MTMR7: variants seen among roughly 807,000 people sequenced by gnomAD.
MTMR7 encodes myotubularin related protein 7, also known as phosphatidylinositol-3-phosphate phosphatase MTMR7.
A neutral mutation model predicts 81.2 loss-of-function variants in MTMR7; 76 were observed. The ratio of observed to expected loss-of-function variants is 0.94; its 90% CI spans 0.78 to 1.13. The LOEUF (loss-of-function observed/expected upper bound fraction) is 1.13, where lower values mean the gene tolerates loss of function less well. MTMR7 is among the 50% of genes most tolerant of loss of function. MTMR7 has a pLI of 0.00. For missense variants in MTMR7, 1,044 were observed against 820.0 expected, an observed-to-expected ratio of 1.27 and a Z score of -3.34; for synonymous variants, 372 against 289.8, an observed-to-expected ratio of 1.28 and a Z score of -2.88.
rs368515958 is a variant in MTMR7, at chr8:17,360,076, A to T, written c.468+1041T>A. On this transcript the variant is annotated intron_variant, in intron 4 of 13. Coordinates refer to ENST00000180173, the MANE Select transcript of MTMR7 (RefSeq NM_004686.5). ...TTAGAGAGCAGGTAGATATTATTTGATACAGCCATACTTAGGTAATACTAT... is the reference window on the plus strand; with the variant it reads ...TTAGAGAGCAGGTAGATATTATTTGTTACAGCCATACTTAGGTAATACTAT... Among the ~76,000 whole-genome samples, 26 of 152,340 alleles carry T rather than the reference A, an allele frequency of 1.7e-4. No individual in the cohort carries two copies. The East Asian group carries it at 4.8e-3, about 28-fold the overall frequency.
chr8:17,411,190 A>G (rs1280340986), intron 1 of MTMR7, among the ~76,000 whole-genome samples: 1 of 152,138 alleles, frequency 6.6e-6, no homozygotes, highest in African/African-American at 2.4e-5. Flanking sequence ...GACCATTGTT[A>G]TTGTTTTCAG....
intron 7 of MTMR7, among the ~76,000 whole-genome samples, chr8:17,325,422 G>T (rs942314829): frequency 3.9e-5 from 6 of 152,190 alleles, no homozygotes; most frequent in Non-Finnish European, 7.3e-5. Context: ...ACCTGACTTT[G>T]CCACAAAACA....
At chr8:17,302,348 T>C in intron 12 of MTMR7, 68 bp from the exon 13 acceptor site, 1 of 1,519,352 alleles carries the variant, frequency 6.6e-7, no homozygotes, top group Non-Finnish European at 8.9e-7. Context: ...CCTCAAGTCT[T>C]CTAAGGTATC....
At chr8:17,387,189 G>C (rs531495724) in intron 1 of MTMR7, among the ~76,000 whole-genome samples, 1 of 152,116 alleles carries the variant, frequency 6.6e-6, no homozygotes, top group Non-Finnish European at 1.5e-5. Flanking sequence ...AGATATCCCA[G>C]GTATTCCGAT....
intron 7 of MTMR7, among the ~76,000 whole-genome samples, chr8:17,317,472 CCT>C (rs1471105101): frequency 3.3e-5 from 5 of 152,232 alleles, no homozygotes; most frequent in South Asian, 4.2e-4. Context: ...TCACTTAACC[CCT>C]GTTTTTGGCC....
chr8:17,315,308 T>TA lies in MTMR7; in HGVS notation c.866-1908dup, dbSNP rs1182852780. On this transcript the variant is annotated intron_variant, in intron 7 of 13. Coordinates refer to ENST00000180173, the MANE Select transcript of MTMR7 (RefSeq NM_004686.5). ...AGAAAAGGCAAAACTACGGAGACAG[T>TA]AAAAAAATCAGCGGCTGCCAGGGGT... 4.6e-5 allele frequency among the ~76,000 whole-genome samples: 7 copies of TA among 151,968 alleles called. No individual in the cohort carries two copies. The South Asian group carries it at 8.3e-4, about 18-fold the overall frequency.
At chr8:17,391,668 T>A (rs1821113458) in intron 1 of MTMR7, among the ~76,000 whole-genome samples, 1 of 152,200 alleles carries the variant, frequency 6.6e-6, no homozygotes, top group Non-Finnish European at 1.5e-5. Context: ...AGATCAACTG[T>A]ACCTTGTTCT....
At chr8:17,383,030 G>A (rs572640934) in intron 1 of MTMR7, among the ~76,000 whole-genome samples, 18 of 152,096 alleles carry the variant, frequency 1.2e-4, no homozygotes, top group African/African-American at 4.3e-4. Flanking sequence ...GAGATATGGG[G>A]GGGCCGGGAT....
intron 1 of MTMR7, among the ~76,000 whole-genome samples, chr8:17,397,275 T>G (rs554726303): frequency 2.0e-4 from 30 of 152,062 alleles, no homozygotes; most frequent in African/African-American, 7.2e-4. Context: ...TCCCTTGGGG[T>G]CCCTGATTCC....
intron 7 of MTMR7, among the ~76,000 whole-genome samples, chr8:17,329,466 C>A (rs190977172): frequency 6.6e-6 from 1 of 152,140 alleles, no homozygotes; most frequent in Admixed American, 6.5e-5. Flanking sequence ...CTTTAGAAAA[C>A]AGTAGTGTCA....
chr8:17,306,642 T>G (rs763946292), intron 10 of MTMR7, among the ~76,000 whole-genome samples: 1 of 152,158 alleles, frequency 6.6e-6, no homozygotes, highest in Non-Finnish European at 1.5e-5. Flanking sequence ...GATGTTTTGG[T>G]GTCATCAAAG....
At chr8:17,338,727 C>T (rs917715553) in intron 6 of MTMR7, 1 of 125,618 alleles carries the variant, frequency 8.0e-6, no homozygotes, top group Non-Finnish European at 1.5e-5. Flanking sequence ...AGCAAAGGAG[C>T]TATTTTTTTT....
intron 4 of MTMR7, among the ~76,000 whole-genome samples, chr8:17,350,552 A>C (rs10092557): frequency 0.3 from 45,309 of 151,954 alleles, 7,954 homozygotes; most frequent in East Asian, 0.71. Flanking sequence ...ACATGTTGGG[A>C]TTATGGGAGC....
At chr8:17,383,116 G>A (rs773674393) in intron 1 of MTMR7, among the ~76,000 whole-genome samples, 12 of 151,960 alleles carry the variant, frequency 7.9e-5, no homozygotes, top group East Asian at 3.9e-4. Flanking sequence ...GAAGGGAGCC[G>A]CTCTTAGATA....
chr8:17,353,613 G>T (rs888122813), intron 4 of MTMR7, among the ~76,000 whole-genome samples: 1 of 152,130 alleles, frequency 6.6e-6, no homozygotes, highest in Non-Finnish European at 1.5e-5. Flanking sequence ...TCAGGATTTT[G>T]TCTGGTTTGG....
chr8:17,411,887 G>A (rs576621085), intron 1 of MTMR7, among the ~76,000 whole-genome samples: 5 of 152,312 alleles, frequency 3.3e-5, no homozygotes, highest in South Asian at 2.1e-4. Context: ...ATCCACAACA[G>A]CTATCACTTT....
intron 4 of MTMR7, among the ~76,000 whole-genome samples, chr8:17,353,714 C>T (rs1245359916): frequency 6.6e-6 from 1 of 152,132 alleles, no homozygotes; most frequent in African/African-American, 2.4e-5. Flanking sequence ...TGCACTCTGC[C>T]TTAGTTAATG....
chr8:17,342,562 TG>T (rs1176413599), intron 5 of MTMR7, among the ~76,000 whole-genome samples: 1 of 152,070 alleles, frequency 6.6e-6, no homozygotes, highest in African/African-American at 2.4e-5. Context: ...CAACTGAACA[TG>T]GGTTTGGATC....
intron 5 of MTMR7, among the ~76,000 whole-genome samples, chr8:17,344,749 C>T (rs1412385524): frequency 6.6e-6 from 1 of 152,120 alleles, no homozygotes; most frequent in Admixed American, 6.5e-5. Context: ...ATTAAAACTA[C>T]AGAGTGTGAG....
Sources: gnomAD v4.1 joint callset for allele counts (sites outside exome capture counted in the v4.1 genomes callset) on GRCh38, gnomAD v4.1.1 for gene constraint, MANE v1.5 for transcripts, NCBI Gene and HGNC (gene_info 2026-07-23, HGNC 2026-07-21) for gene names.